The following SANBR variants were observed in gnomAD, a reference collection of about 807,000 sequenced individuals.
The protein encoded by SANBR is SANT and BTB domain regulator of class switch recombination.
In SANBR, 77 loss-of-function variants were observed where a neutral mutation model predicts 101.8. The observed-to-expected ratio is 0.76, with a 90% CI of 0.63 to 0.91. The LOEUF (loss-of-function observed/expected upper bound fraction) is 0.91, where lower values mean the gene tolerates loss of function less well. Ranked by LOEUF, SANBR falls within the 40% of genes least tolerant of loss-of-function variation. The probability of loss-of-function intolerance (pLI) is 0.00; values close to 1 mark genes in which losing one functional copy is unlikely to be tolerated. For missense variants in SANBR, 875 were observed against 853.0 expected (o/e 1.03, Z -0.32); for synonymous variants, 279 against 274.7 (o/e 1.02, Z -0.15).
chr2:61,106,305 C>A (rs1216836230), intron 13 of SANBR, among the ~76,000 whole-genome samples: 1 of 145,928 alleles, frequency 6.9e-6, no homozygotes. Context: ...GCAGGAGAAT[C>A]GCTTGTACCC....
chr2:61,095,323 G>A (rs1017926957), intron 11 of SANBR, among the ~76,000 whole-genome samples: 1 of 151,258 alleles, frequency 6.6e-6, no homozygotes, highest in Non-Finnish European at 1.5e-5. Context: ...TCATAAAATG[G>A]TTTGTATGCA....
chr2:61,069,300 A>G (rs1041823298), intron 2 of SANBR, among the ~76,000 whole-genome samples: 2 of 152,210 alleles, frequency 1.3e-5, no homozygotes, highest in African/African-American at 4.8e-5. Flanking sequence ...TGCTTTCACA[A>G]AATAATCCCT....
rs1358317750 is a variant in SANBR at position 61,080,646 on chromosome 2, G to A, written c.671-806G>A. Among the ~76,000 whole-genome samples the A allele has an allele frequency of 3.9e-5, 6 of 152,170 alleles. No homozygotes were observed. In the South Asian group the frequency reaches 1.0e-3, roughly 26 times the overall value. On this transcript the variant is annotated intron_variant, in intron 6 of 21. Coordinates refer to ENST00000402291, the MANE Select transcript of SANBR (RefSeq NM_001129993.3). ...TAATGCAGGAGACTGTCATTAACCCGGGAGGCGGAGGTTGCAGTAAGCAGA... is the reference window on the plus strand; with the variant it reads ...TAATGCAGGAGACTGTCATTAACCCAGGAGGCGGAGGTTGCAGTAAGCAGA...
In SANBR at chr2:61,087,063, C is replaced by T. The variant is rs118001417; in HGVS notation, c.891-1096C>T. On this transcript the variant is annotated intron_variant, in intron 8 of 21. Coordinates refer to ENST00000402291, the MANE Select transcript of SANBR (RefSeq NM_001129993.3). ...TAATTAACGTTTATTGAATGCTTAA[C>T]GTTATATCTAGTACTCTTTAAAAAC... Among the ~76,000 whole-genome samples the T allele has an allele frequency of 4.6e-5, 7 of 152,110 alleles. No homozygotes were observed. The East Asian group carries it at 7.7e-4, about 17-fold the overall frequency.
intron 13 of SANBR, among the ~76,000 whole-genome samples, chr2:61,104,283 G>T (rs565971707): frequency 5.3e-5 from 8 of 151,850 alleles, no homozygotes; most frequent in Non-Finnish European, 8.8e-5. Flanking sequence ...GAGATCGAGA[G>T]CATCCTGGCT....
At chr2:61,105,950 G>A (rs529800968) in intron 13 of SANBR, among the ~76,000 whole-genome samples, 1 of 152,092 alleles carries the variant, frequency 6.6e-6, no homozygotes, top group Non-Finnish European at 1.5e-5. Flanking sequence ...GATTAGAGGC[G>A]TGACCCACTG....
At chr2:61,124,399 G>T (rs769577097), downstream of SANBR, 5 of 402,060 alleles carry the variant, frequency 1.2e-5, no homozygotes, top group Non-Finnish European at 1.7e-5. Context: ...TGAAATTTTT[G>T]AGTTTTAAGA....
At chr2:61,070,547 G>C in intron 3 of SANBR, 47 bp downstream of exon 3, 1 of 1,550,444 alleles carries the variant, frequency 6.4e-7, no homozygotes, top group South Asian at 1.2e-5. Context: ...GTTCAGAAAA[G>C]GTCATCAATT....
downstream of SANBR, chr2:61,124,340 T>C: frequency 6.9e-6 from 5 of 725,988 alleles, no homozygotes; most frequent in Non-Finnish European, 8.4e-6. Flanking sequence ...AAGTCTGGAG[T>C]AGCTCTAGAT....
intron 8 of SANBR, among the ~76,000 whole-genome samples, chr2:61,085,937 T>C (rs1682404036): frequency 6.6e-6 from 1 of 152,204 alleles, no homozygotes; most frequent in African/African-American, 2.4e-5. Context: ...CTATATAAAT[T>C]TGATAATCAG....
intron 8 of SANBR, among the ~76,000 whole-genome samples, chr2:61,087,830 G>A (rs988190289): frequency 2.0e-5 from 3 of 150,584 alleles, no homozygotes; most frequent in South Asian, 2.1e-4. Context: ...CAGCCTGGGC[G>A]ACAGAGTGAG....
chr2:61,071,943 GT>G (rs767577842), intron 4 of SANBR, 151 bp downstream of exon 4: 1 of 580,676 alleles, frequency 1.7e-6, no homozygotes, highest in Non-Finnish European at 2.9e-6. Context: ...GAATTTTGTT[GT>G]TTTTTCTTTT....
intron 11 of SANBR, among the ~76,000 whole-genome samples, chr2:61,092,818 T>C (rs916241987): frequency 1.3e-5 from 2 of 148,590 alleles, no homozygotes; most frequent in African/African-American, 2.5e-5. Context: ...CTGGGTGACA[T>C]AGTGAGACTC....
chr2:61,072,276 A>T (rs933270489), intron 4 of SANBR, among the ~76,000 whole-genome samples: 50 of 152,218 alleles, frequency 3.3e-4, no homozygotes, highest in African/African-American at 1.1e-3. Context: ...GCTATTTTTT[A>T]AAAAAAGTTT....
intron 10 of SANBR, among the ~76,000 whole-genome samples, chr2:61,091,772 A>G (rs1048102676): frequency 4.8e-4 from 73 of 152,190 alleles, no homozygotes; most frequent in Non-Finnish European, 2.1e-4. Flanking sequence ...TCAAAAACGA[A>G]ACAAAAACAA....
chr2:61,136,857 G>A (rs1684865925), intron 21 of SANBR, among the ~76,000 whole-genome samples: 2 of 151,276 alleles, frequency 1.3e-5, no homozygotes, highest in African/African-American at 4.9e-5. Context: ...TGTAATCCCA[G>A]CTACTTGGGA....
chr2:61,134,728 C>G (rs181543984), intron 21 of SANBR, among the ~76,000 whole-genome samples: 1 of 151,896 alleles, frequency 6.6e-6, no homozygotes. Flanking sequence ...CCCGTCTCTA[C>G]TAAAAATACA....
intron 12 of SANBR, among the ~76,000 whole-genome samples, chr2:61,102,064 T>A (rs1314643864): frequency 6.6e-6 from 1 of 151,414 alleles, no homozygotes; most frequent in Non-Finnish European, 1.5e-5. Flanking sequence ...AATGAATCTT[T>A]TGTCGATATA....
intron 21 of SANBR, 43 bp downstream of exon 21, chr2:61,121,319 G>A (rs560418295): frequency 7.1e-7 from 1 of 1,399,752 alleles, no homozygotes; most frequent in Non-Finnish European, 9.9e-7. Context: ...TGGCTTTGAA[G>A]TGAATTTTTT....
Sources: gnomAD v4.1 joint callset for allele counts (sites outside exome capture counted in the v4.1 genomes callset) on GRCh38, gnomAD v4.1.1 for gene constraint, MANE v1.5 for transcripts, NCBI Gene and HGNC (gene_info 2026-07-23, HGNC 2026-07-21) for gene names.